Variants in PEX16 observed in about 807,000 individuals in gnomAD.
PEX16 encodes peroxisomal biogenesis factor 16.
Under a neutral mutation model 50.5 loss-of-function variants are expected in PEX16, and 37 were observed. The ratio of observed to expected loss-of-function variants is 0.73; its 90% CI spans 0.56 to 0.96. PEX16 has a LOEUF of 0.96. Ranked by LOEUF, PEX16 falls within the 40% of genes least tolerant of loss-of-function variation. PEX16 has a pLI of 0.00. For missense variants in PEX16, 401 were observed against 438.3 expected (o/e 0.91, Z 0.76); for synonymous variants, 185 against 190.3 (o/e 0.97, Z 0.23).
At chr11:45,916,119 A>C (rs1045190895) in intron 3 of PEX16, 108 bp downstream of exon 3, 5 of 865,514 alleles carry the variant, frequency 5.8e-6, no homozygotes, top group African/African-American at 1.6e-5. Flanking sequence ...AGATGGACAT[A>C]GGCCTGTCTC....
upstream of PEX16, chr11:45,918,213 C>T (rs1342685908): frequency 6.6e-6 from 2 of 302,174 alleles, no homozygotes; most frequent in East Asian, 8.4e-5. Context: ...GAGCTGGAGC[C>T]CCGAGTCTTT....
At position 45,917,851 on chromosome 11, in the gene PEX16, G is replaced by A; in HGVS notation, c.-40C>T. 1 of 1,411,956 alleles carries A rather than the reference G, an allele frequency of 7.1e-7. No homozygotes were observed. Among genetic ancestry groups the A allele is most frequent in the Non-Finnish European group, 9.7e-7 (1 of 1,033,964 alleles). The allele number at this position is 1,411,956 out of a possible 1,614,324, so 87.5% of individuals were successfully genotyped here. On this transcript the variant is annotated 5_prime_UTR_variant, in exon 1 of 11. Transcript: ENST00000378750. ...CGACAGACCCACAGAAGGACCGTACGACAGGCTGCGGCGCCCTGCTTCCTG... is the reference window on the plus strand; with the variant it reads ...CGACAGACCCACAGAAGGACCGTACAACAGGCTGCGGCGCCCTGCTTCCTG...
chr11:45,917,726 A>C lies in PEX16; in HGVS notation c.86T>G (p.Val29Gly), dbSNP rs2134699660. The change falls in exon 1 of 11, where the codon GTG becomes GGG. Residue 29 changes from valine (V) to glycine (G), a missense_variant. Physicochemically the swap from Val to Gly is moderately radical, Grantham distance 109. Transcript: ENST00000378750. Reference protein sequence around the residue: ...PAATAQLETAVRGFSYLLAGR... With the variant: ...PAATAQLETAGRGFSYLLAGR... ...TGCCAGCAGGTAACTGAAGCCCCGCACTGCTGTCTCCAGCTGGGCCGTGGC... is the reference window on the plus strand; with the variant it reads ...TGCCAGCAGGTAACTGAAGCCCCGCCCTGCTGTCTCCAGCTGGGCCGTGGC... 6.4e-7 allele frequency: 1 copy of C among 1,561,028 alleles called. No individual in the cohort carries two copies. Among genetic ancestry groups the C allele is most frequent in the Non-Finnish European group, 8.7e-7 (1 of 1,152,530 alleles).
rs774505361 is a variant in PEX16, at chr11:45,910,923, G to T, written c.927C>A (p.His309Gln). 6.2e-7 allele frequency: 1 copy of T among 1,613,616 alleles called. No homozygotes were observed. The highest frequency in any genetic ancestry group is 8.5e-7 in the Non-Finnish European group (1 of 1,180,016). Residue 309 changes from histidine (H) to glutamine (Q), a missense_variant, in exon 10 of 11, where the codon CAC (histidine) becomes CAA (glutamine). Transcript: ENST00000378750. ...ILFLLQLLADHVPGVGLVTRP... is the reference protein window; with the variant it reads ...ILFLLQLLADQVPGVGLVTRP... ...TTGTGACCAGGCCAACGCCAGGGAC[G>T]TGGTCGGCCAGCAACTGGAGCAGGA...
At chr11:45,917,638 AG>A in intron 1 of PEX16, 61 bp downstream of exon 1, 1 of 1,482,430 alleles carries the variant, frequency 6.7e-7, no homozygotes, top group Non-Finnish European at 9.2e-7. Flanking sequence ...TCCGCAGGGA[AG>A]GGGGCCACTG....
intron 2 of PEX16, 91 bp from the exon 3 acceptor site, chr11:45,916,394 T>C: frequency 4.9e-6 from 5 of 1,011,260 alleles, no homozygotes; most frequent in East Asian, 2.4e-5. Flanking sequence ...ACCTGTCACA[T>C]GCTCTGCTCA....
At chr11:45,911,339 T>C (rs1341013954) in intron 9 of PEX16, among the ~76,000 whole-genome samples, 1 of 152,126 alleles carries the variant, frequency 6.6e-6, no homozygotes, top group African/African-American at 2.4e-5. Flanking sequence ...AGCCCCCCAG[T>C]CTGGCAGAAG....
At chr11:45,911,260 G>GC (rs2086775742) in intron 9 of PEX16, among the ~76,000 whole-genome samples, 2 of 152,174 alleles carry the variant, frequency 1.3e-5, no homozygotes, top group South Asian at 4.1e-4. Context: ...CTAGAGGGTC[G>GC]CATGTGGAGC....
At chr11:45,911,198 A>G (rs535557111) in intron 9 of PEX16, among the ~76,000 whole-genome samples, 1 of 151,708 alleles carries the variant, frequency 6.6e-6, no homozygotes. Flanking sequence ...GACCCACAAC[A>G]CCTCCTCCCA....
chr11:45,914,740 C>A, intron 5 of PEX16, 56 bp from the exon 6 acceptor site: 1 of 1,445,892 alleles, frequency 6.9e-7, no homozygotes. Context: ...CCAGCGGAGC[C>A]TGCAAAGAAC....
intron 9 of PEX16, among the ~76,000 whole-genome samples, chr11:45,913,156 G>A (rs529472850): frequency 2.6e-5 from 4 of 152,254 alleles, no homozygotes; most frequent in African/African-American, 9.6e-5. Context: ...TTAGGTCCTA[G>A]ACAAAGGGGG....
chr11:45,917,102 G>C (rs781060033), intron 2 of PEX16: 2 of 583,856 alleles, frequency 3.4e-6, no homozygotes, highest in South Asian at 3.0e-5. Context: ...TTGGTTCTGG[G>C]ACCATCAGTG....
rs763792225 is a variant in PEX16 at position 45,913,989 on chromosome 11, C to T, written c.768-51G>A. ...GGGCCAGGGGCATGATCTAGGCCCACGGAAGGGGAGGAGCCATGGGCTGGG... is the reference window on the plus strand; with the variant it reads ...GGGCCAGGGGCATGATCTAGGCCCATGGAAGGGGAGGAGCCATGGGCTGGG... On this transcript the variant is annotated intron_variant, in intron 8 of 10. Transcript: ENST00000378750. 2.2e-5 allele frequency: 36 copies of T among 1,607,954 alleles called. No homozygotes were observed. In the East Asian group the frequency reaches 4.5e-4, roughly 20 times the overall value.
rs764889068 is a variant in PEX16 at position 45,910,085 on chromosome 11, G to A, written c.*169C>T. ...TGCAGTGGCATCGTCACAGGAGAGCGCAGTCAAGGGTGTCCTGGGAGGAAC... is the reference window on the plus strand; with the variant it reads ...TGCAGTGGCATCGTCACAGGAGAGCACAGTCAAGGGTGTCCTGGGAGGAAC... On this transcript the variant is annotated 3_prime_UTR_variant, in exon 11 of 11. Coordinates refer to ENST00000378750, the MANE Select transcript of PEX16 (RefSeq NM_004813.4). The A allele has an allele frequency of 1.4e-5, 23 of 1,609,328 alleles. No homozygotes were observed. The highest frequency in any genetic ancestry group is 4.5e-5 in the East Asian group (2 of 44,864).
chr11:45,910,849 T>C (rs774106806), intron 10 of PEX16, 49 bp downstream of exon 10: 2 of 1,466,470 alleles, frequency 1.4e-6, no homozygotes, highest in Middle Eastern at 1.7e-4. Context: ...GGTGCTTGCA[T>C]GCATGCGCCT....
At position 45,915,501 on chromosome 11, in the gene PEX16, G is replaced by A; in HGVS notation, c.427C>T (p.Pro143Ser). Residue 143 changes from proline (P) to serine (S), a missense_variant, in exon 5 of 11, where the codon CCA (proline) becomes TCA (serine). Pro to Ser is a moderately conservative substitution (Grantham distance 74). Transcript: ENST00000378750. ...TGTGCCTGGGTCTCTCTGTCCAGTG[G>A]AACGATAGGGGGTGAAGTCTGGAGG... is the stretch of plus-strand genomic sequence containing the variant. ...AGLQTSPPIV[P>S]LDRETQAQPP... 6.2e-7 allele frequency: 1 copy of A among 1,614,192 alleles called. No individual in the cohort carries two copies. The highest frequency in any genetic ancestry group is 8.5e-7 in the Non-Finnish European group (1 of 1,180,026).
upstream of PEX16, chr11:45,918,630 A>G (rs920248832): frequency 1.3e-5 from 2 of 151,966 alleles, no homozygotes; most frequent in Admixed American, 6.6e-5. Context: ...TGGGTCTCGG[A>G]TTTCCCGATC....
rs921940265 is a variant in PEX16 at position 45,917,794 on chromosome 11, G to C, written c.18C>G (p.Leu6=). 6.3e-5 allele frequency: 97 copies of C among 1,544,318 alleles called. No individual in the cohort carries two copies. Among genetic ancestry groups the C allele is most frequent in the Non-Finnish European group, 7.7e-5 (88 of 1,147,302 alleles). The change falls in exon 1 of 11, where the codon CTC becomes CTG. Residue 6 remains leucine, a synonymous_variant. Transcript: ENST00000378750. The part of the protein sequence containing the change: MEKLR[L]LGLRYQEYVT... ...CGTACTCCTGGTAGCGGAGGCCCAGGAGCCGCAGCTTCTCCATCCTGCCCT... is the reference window on the plus strand; with the variant it reads ...CGTACTCCTGGTAGCGGAGGCCCAGCAGCCGCAGCTTCTCCATCCTGCCCT...
intron 9 of PEX16, among the ~76,000 whole-genome samples, chr11:45,911,451 G>A (rs960906676): frequency 6.6e-6 from 1 of 152,260 alleles, no homozygotes; most frequent in Admixed American, 6.5e-5. Context: ...CAGGGGAAGG[G>A]GCAAGGCCCA....
Sources: gnomAD v4.1 joint callset for allele counts (sites outside exome capture counted in the v4.1 genomes callset) on GRCh38, gnomAD v4.1.1 for gene constraint, MANE v1.5 for transcripts, NCBI Gene and HGNC (gene_info 2026-07-23, HGNC 2026-07-21) for gene names.